POC1A: variants seen among roughly 807,000 people sequenced by gnomAD.
POC1A encodes POC1 centriolar protein homolog A.
A neutral mutation model predicts 47.8 loss-of-function variants in POC1A; 34 were observed. The observed-to-expected ratio is 0.71, with a 90% CI of 0.54 to 0.95. The LOEUF is 0.95. POC1A is among the 40% of genes least tolerant of loss of function. POC1A has a pLI of 0.00. For missense variants in POC1A, 466 were observed against 528.3 expected (o/e 0.88, Z 1.16); for synonymous variants, 177 against 207.6 (o/e 0.85, Z 1.27).
At position 52,079,258 on chromosome 3, in the gene POC1A, A is replaced by C. The variant is rs1021685752; in HGVS notation, c.1126-3273T>G. On this transcript the variant is annotated intron_variant, in intron 10 of 10. Transcript: ENST00000296484. This position sits in a 1 kb window ranked among gnomAD's most constrained non-coding sequence, Gnocchi z 4.6. ...ACCTCGGTGTACACAGGCCACTGCC[A>C]TTTCCACCTGCTGCCTAGTGGCCCA... Among the ~76,000 whole-genome samples, 2 of 152,204 alleles carry C rather than the reference A, an allele frequency of 1.3e-5. No individual in the cohort carries two copies. Among genetic ancestry groups the C allele is most frequent in the African/African-American group, 4.8e-5 (2 of 41,446 alleles).
At chr3:52,086,574 A>G (rs1169579283) in intron 10 of POC1A, among the ~76,000 whole-genome samples, 1 of 152,208 alleles carries the variant, frequency 6.6e-6, no homozygotes, top group Admixed American at 6.5e-5. Context: ...CTGTGTGCGT[A>G]CACACGCAGG....
At chr3:52,081,151 T>C (rs1406675263) in intron 10 of POC1A, among the ~76,000 whole-genome samples, 2 of 152,244 alleles carry the variant, frequency 1.3e-5, no homozygotes, top group Non-Finnish European at 2.9e-5. Flanking sequence ...ATGTATTCTG[T>C]TGTTTCTCTA....
intron 8 of POC1A, 140 bp downstream of exon 8, chr3:52,124,973 A>T: frequency 1.5e-6 from 1 of 655,626 alleles, no homozygotes; most frequent in East Asian, 2.7e-5. Context: ...CCCAAGCGCC[A>T]TCAGGGCCTT....
chr3:52,139,714 C>A (rs577521612), intron 6 of POC1A, among the ~76,000 whole-genome samples: 1 of 152,286 alleles, frequency 6.6e-6, no homozygotes, highest in East Asian at 1.9e-4. Flanking sequence ...GGTGGTAAGT[C>A]CCTGGCACCG....
chr3:52,150,144 C>T (rs1288215093), intron 2 of POC1A, among the ~76,000 whole-genome samples, 157 bp from the exon 3 acceptor site: 3 of 152,182 alleles, frequency 2.0e-5, no homozygotes, highest in Non-Finnish European at 2.9e-5. Context: ...GAGCACATCT[C>T]GAGGTATGGT....
rs1018291693 is a variant in POC1A, at chr3:52,101,207, G to A, written c.982-4495C>T. On this transcript the variant is annotated intron_variant, in intron 9 of 10. Coordinates refer to ENST00000296484, the MANE Select transcript of POC1A (RefSeq NM_015426.5). ...CCCCTCTGAGGGGCATGCCCACAGG[G>A]CTGGCTGAAAGGTGAGAGTGAGGAA... Among the ~76,000 whole-genome samples, 6 of 152,072 alleles carry A rather than the reference G, an allele frequency of 3.9e-5. 1 individual carries two copies. In the South Asian group the frequency reaches 1.2e-3, roughly 32 times the overall value.
chr3:52,109,499 A>AC (rs990153684), intron 9 of POC1A, among the ~76,000 whole-genome samples: 28 of 151,902 alleles, frequency 1.8e-4, no homozygotes. Flanking sequence ...AAACAAACAA[A>AC]AAAAAAAACC....
chr3:52,107,222 C>CA (rs1217036690), intron 9 of POC1A, among the ~76,000 whole-genome samples: 3 of 152,356 alleles, frequency 2.0e-5, no homozygotes, highest in Non-Finnish European at 4.4e-5. Flanking sequence ...TGGAGCCCTC[C>CA]AGGTCATCAC....
At chr3:52,123,013 A>C (rs1346754338) in intron 8 of POC1A, among the ~76,000 whole-genome samples, 1 of 152,246 alleles carries the variant, frequency 6.6e-6, no homozygotes, top group East Asian at 1.9e-4. Flanking sequence ...TCCAGGCCAG[A>C]ACACTCCTTA....
intron 1 of POC1A, among the ~76,000 whole-genome samples, chr3:52,152,025 ACATT>A: frequency 6.6e-6 from 1 of 152,272 alleles, no homozygotes; most frequent in East Asian, 1.9e-4. Flanking sequence ...TGTAATCCCC[ACATT>A]TTGGGAGGCT....
rs187343203 is a variant in POC1A at position 52,081,562 on chromosome 3, C to T, written c.1126-5577G>A. On this transcript the variant is annotated intron_variant, in intron 10 of 10. Transcript: ENST00000296484. ...CCCAAAGAATGGTGTGTGCAAAGGC[C>T]CTGAGCTGGCCAAGGTTAAGAAACG... 8.5e-5 allele frequency among the ~76,000 whole-genome samples: 13 copies of T among 152,242 alleles called. No individual in the cohort carries two copies. The East Asian group carries it at 2.5e-3, about 29-fold the overall frequency.
chr3:52,106,884 C>G (rs928927815), intron 9 of POC1A, among the ~76,000 whole-genome samples: 1 of 152,234 alleles, frequency 6.6e-6, no homozygotes, highest in Non-Finnish European at 1.5e-5. Context: ...TCTCTGCAAG[C>G]ATTTCCAAGA....
At chr3:52,128,766 T>C (rs1426497130) in intron 7 of POC1A, among the ~76,000 whole-genome samples, 2 of 152,228 alleles carry the variant, frequency 1.3e-5, no homozygotes, top group South Asian at 4.1e-4. Context: ...TCTCTTTCTC[T>C]ATATTCTTTC....
intron 10 of POC1A, among the ~76,000 whole-genome samples, chr3:52,087,297 T>C (rs1178328897): frequency 6.6e-6 from 1 of 152,186 alleles, no homozygotes; most frequent in Non-Finnish European, 1.5e-5. Flanking sequence ...TCCCCTCTCA[T>C]GCTGATGTCT....
chr3:52,118,064 G>T (rs1703638649), intron 9 of POC1A, among the ~76,000 whole-genome samples: 1 of 152,128 alleles, frequency 6.6e-6, no homozygotes, highest in Admixed American at 6.5e-5. Context: ...TTGAAAACAC[G>T]AGCACGGGCA....
intron 10 of POC1A, among the ~76,000 whole-genome samples, chr3:52,083,146 G>C (rs1410400920): frequency 6.6e-6 from 1 of 152,128 alleles, no homozygotes; most frequent in East Asian, 1.9e-4. Context: ...TCGGGCATCT[G>C]GGGCATCACG....
At chr3:52,114,083 C>G (rs1287102234) in intron 9 of POC1A, among the ~76,000 whole-genome samples, 2 of 152,354 alleles carry the variant, frequency 1.3e-5, no homozygotes, top group Non-Finnish European at 2.9e-5. Context: ...CAGGCTGGGT[C>G]CCAGCCTCTG....
intron 8 of POC1A, 66 bp downstream of exon 8, chr3:52,125,047 T>C: frequency 7.8e-7 from 1 of 1,285,152 alleles, no homozygotes; most frequent in Non-Finnish European, 1.1e-6. Flanking sequence ...ACACCCTGTT[T>C]GGTTCTGAGC....
chr3:52,133,511 C>T (rs1268410880), intron 7 of POC1A, among the ~76,000 whole-genome samples: 1 of 152,154 alleles, frequency 6.6e-6, no homozygotes, highest in South Asian at 2.1e-4. Context: ...ACCACCCGCA[C>T]GCTGACTCCT....
Sources: allele counts gnomAD v4.1 joint callset (sites outside exome capture counted in the v4.1 genomes callset), GRCh38; gene constraint gnomAD v4.1.1; non-coding constraint Gnocchi (gnomAD v3.1); transcripts MANE v1.5; gene names NCBI Gene and HGNC (gene_info 2026-07-23, HGNC 2026-07-21).